The following TRAK1 variants were observed in gnomAD, a reference collection of about 807,000 sequenced individuals.
TRAK1 encodes trafficking kinesin-binding protein 1.
Under a neutral mutation model 92.1 loss-of-function variants are expected in TRAK1, and 33 were observed. The observed-to-expected ratio is 0.36, with a 90% CI of 0.27 to 0.48. TRAK1 has a LOEUF of 0.48. TRAK1 is among the 20% of genes least tolerant of loss of function. TRAK1 has a pLI of 0.99. For synonymous variants in TRAK1, 521 were observed against 517.3 expected, an observed-to-expected ratio of 1.01 and a Z score of -0.10; for missense variants, 1,123 against 1,257.9, an observed-to-expected ratio of 0.89 and a Z score of 1.62.
chr3:42,039,643 C>T (rs976517113), intron 1 of TRAK1, among the ~76,000 whole-genome samples: 9 of 152,218 alleles, frequency 5.9e-5, no homozygotes, highest in African/African-American at 1.7e-4. Context: ...GGATTACAGG[C>T]GTGAGCCAAT....
chr3:42,116,937 G>A (rs1199355356), intron 1 of TRAK1, among the ~76,000 whole-genome samples: 2 of 152,174 alleles, frequency 1.3e-5, no homozygotes, highest in African/African-American at 2.4e-5. Flanking sequence ...CCAGAGTGTG[G>A]CGCCAGGATG....
At chr3:42,171,582 G>A (rs1330589765) in intron 2 of TRAK1, among the ~76,000 whole-genome samples, 1 of 152,104 alleles carries the variant, frequency 6.6e-6, no homozygotes, top group African/African-American at 2.4e-5. Flanking sequence ...TAGATCTTTT[G>A]CTCCAGCCCC....
At chr3:42,053,372 G>T (rs1576189449) in intron 1 of TRAK1, among the ~76,000 whole-genome samples, 1 of 128,132 alleles carries the variant, frequency 7.8e-6, no homozygotes, top group South Asian at 2.5e-4. Context: ...ATTCAGAGTC[G>T]GGTGGGGGGG....
intron 1 of TRAK1, among the ~76,000 whole-genome samples, chr3:42,102,240 C>T (rs1706871239): frequency 2.0e-5 from 3 of 152,240 alleles, no homozygotes; most frequent in Admixed American, 6.5e-5. Context: ...CCTGCCTTGG[C>T]CTCCCAGGGT....
At chr3:42,141,506 A>G (rs1698648801) in intron 2 of TRAK1, among the ~76,000 whole-genome samples, 1 of 152,192 alleles carries the variant, frequency 6.6e-6, no homozygotes, top group African/African-American at 2.4e-5. Context: ...GGGCTGCCGT[A>G]ACAAATTACC....
chr3:42,024,006 T>C (rs375563703), intron 1 of TRAK1, among the ~76,000 whole-genome samples: 1 of 152,002 alleles, frequency 6.6e-6, no homozygotes, highest in Non-Finnish European at 1.5e-5. Flanking sequence ...TCGCCCTCCT[T>C]GGCCCCCCAA....
At chr3:42,172,578 C>G (rs949330705) in intron 2 of TRAK1, among the ~76,000 whole-genome samples, 5 of 152,172 alleles carry the variant, frequency 3.3e-5, no homozygotes, top group African/African-American at 1.2e-4. Flanking sequence ...AACCCCCCTT[C>G]AAAAACTCTC....
chr3:42,091,196 T>C, upstream of TRAK1: 1 of 411,524 alleles, frequency 2.4e-6, no homozygotes, highest in Non-Finnish European at 4.3e-6. Flanking sequence ...CTACTCCCCT[T>C]CCCCCAACCT....
At chr3:42,063,860 G>A (rs533224845) in intron 1 of TRAK1, among the ~76,000 whole-genome samples, 5 of 152,130 alleles carry the variant, frequency 3.3e-5, no homozygotes, top group Non-Finnish European at 2.9e-5. Flanking sequence ...GCGTTGGCCC[G>A]GTGATGTATT....
At chr3:42,053,312 C>A (rs1336525992) in intron 1 of TRAK1, among the ~76,000 whole-genome samples, 1 of 151,110 alleles carries the variant, frequency 6.6e-6, no homozygotes, top group Non-Finnish European at 1.5e-5. Flanking sequence ...CCGCCTCCCC[C>A]TCCCTGCCTC....
At chr3:42,146,077 G>A (rs1699287754) in intron 2 of TRAK1, 1 of 456,026 alleles carries the variant, frequency 2.2e-6, no homozygotes, top group South Asian at 1.7e-5. Flanking sequence ...GAAAGATTCT[G>A]CTCTGTAAAA....
chr3:42,214,871 T>C (rs966640953), intron 14 of TRAK1, among the ~76,000 whole-genome samples: 1 of 152,244 alleles, frequency 6.6e-6, no homozygotes, highest in Non-Finnish European at 1.5e-5. Context: ...ACCAAGCCTC[T>C]GTGAAGCCCA....
At chr3:42,063,157 C>A (rs1559731424) in intron 1 of TRAK1, among the ~76,000 whole-genome samples, 1 of 152,228 alleles carries the variant, frequency 6.6e-6, no homozygotes, top group Non-Finnish European at 1.5e-5. Flanking sequence ...GGAATACAGC[C>A]ACACCCATTC....
At chr3:42,081,501 G>A (rs1280375685) in intron 1 of TRAK1, among the ~76,000 whole-genome samples, 6 of 152,166 alleles carry the variant, frequency 3.9e-5, no homozygotes, top group African/African-American at 7.2e-5. Context: ...TGCCAACACC[G>A]GTCCATGCTT....
chr3:42,222,003 T>TGA (rs1553615614), intron 15 of TRAK1: 2 of 146,582 alleles, frequency 1.4e-5, no homozygotes, highest in East Asian at 4.0e-4. Flanking sequence ...ATTGCAATTA[T>TGA]AAAAAAAAAA....
At chr3:42,138,874 GGGGTGTGTGTGTGTGTGTGTGTGTGTGT>G (rs1698296316) in intron 2 of TRAK1, among the ~76,000 whole-genome samples, 2 of 50,996 alleles carry the variant, frequency 3.9e-5, no homozygotes, top group African/African-American at 5.3e-5. Context: ...GAAAGCATAG[GGGGTGTGTGTGTGTGTGTGTGTGTGTGT>G]GTGTGTGTGT....
intron 13 of TRAK1, among the ~76,000 whole-genome samples, chr3:42,206,780 G>T (rs60089164): frequency 6.6e-6 from 1 of 152,172 alleles, no homozygotes; most frequent in Admixed American, 6.5e-5. Flanking sequence ...TGGCTGTGGA[G>T]TGTCAGAGAA....
At chr3:42,176,676 TG>T in intron 2 of TRAK1, 137 bp from the exon 3 acceptor site, 2 of 740,378 alleles carry the variant, frequency 2.7e-6, no homozygotes, top group Non-Finnish European at 4.8e-6. Flanking sequence ...GTGAGTACAT[TG>T]CGGGTTGAAC....
At chr3:42,048,571 T>C (rs1305388091) in intron 1 of TRAK1, among the ~76,000 whole-genome samples, 5 of 151,148 alleles carry the variant, frequency 3.3e-5, no homozygotes, top group South Asian at 2.1e-4. Flanking sequence ...CTTTTCTTTT[T>C]TTTTTTTTTT....
Sources: allele counts gnomAD v4.1 joint callset (sites outside exome capture counted in the v4.1 genomes callset), GRCh38; gene constraint gnomAD v4.1.1; transcripts MANE v1.5; gene names NCBI Gene and HGNC (gene_info 2026-07-23, HGNC 2026-07-21).